Variants in MAD1L1 observed in about 807,000 individuals in gnomAD.
MAD1L1 encodes mitotic arrest deficient 1 like 1.
MAD1L1 carries 95 observed loss-of-function variants against 96.9 expected under a neutral mutation model. The ratio of observed to expected loss-of-function variants is 0.98; its 90% CI spans 0.83 to 1.16. The LOEUF (loss-of-function observed/expected upper bound fraction) is 1.16, where lower values mean the gene tolerates loss of function less well. Among genes scored for constraint, MAD1L1 ranks in the 50% most tolerant of loss-of-function variants. The probability of loss-of-function intolerance (pLI) is 0.00; values close to 1 mark genes in which losing one functional copy is unlikely to be tolerated. For missense variants in MAD1L1, 1,007 were observed against 954.4 expected (o/e 1.06, Z -0.73); for synonymous variants, 473 against 396.6 (o/e 1.19, Z -2.29).
chr7:2,022,270 C>G (rs933022964), intron 12 of MAD1L1, among the ~76,000 whole-genome samples: 3 of 152,348 alleles, frequency 2.0e-5, no homozygotes, highest in African/African-American at 7.2e-5. Flanking sequence ...GGGAGGCGCC[C>G]ACCCTGCCTG....
intron 11 of MAD1L1, among the ~76,000 whole-genome samples, chr7:2,140,145 G>A (rs529383737): frequency 2.7e-4 from 41 of 152,264 alleles, no homozygotes; most frequent in Non-Finnish European, 5.4e-4. Flanking sequence ...TCCAAGCCCA[G>A]GTGGCCCCTG....
chr7:1,976,662 G>T (rs1780657619), intron 15 of MAD1L1, among the ~76,000 whole-genome samples: 1 of 152,202 alleles, frequency 6.6e-6, no homozygotes, highest in South Asian at 2.1e-4. Flanking sequence ...CCCTTATCTG[G>T]CTCCACCCAC....
At chr7:2,025,152 T>C (rs540966183) in intron 12 of MAD1L1, among the ~76,000 whole-genome samples, 2 of 152,364 alleles carry the variant, frequency 1.3e-5, no homozygotes, top group African/African-American at 4.8e-5. Context: ...GAGAGCTCTA[T>C]GCTGTCTTCT....
chr7:2,126,159 C>T (rs929641720), intron 11 of MAD1L1, among the ~76,000 whole-genome samples: 3 of 152,190 alleles, frequency 2.0e-5, no homozygotes, highest in African/African-American at 7.2e-5. Flanking sequence ...GCCATATGGC[C>T]TAGGTTCCTG....
chr7:2,064,498 G>A (rs905120370), intron 12 of MAD1L1, among the ~76,000 whole-genome samples: 10 of 152,364 alleles, frequency 6.6e-5, no homozygotes, highest in Admixed American at 1.3e-4. Flanking sequence ...CTGCCTCTGG[G>A]CCAGGAACAT....
At chr7:2,166,792 G>A (rs757997915) in intron 10 of MAD1L1, among the ~76,000 whole-genome samples, 2 of 152,198 alleles carry the variant, frequency 1.3e-5, no homozygotes, top group Non-Finnish European at 2.9e-5. Flanking sequence ...CTGGCAGGGA[G>A]CTGCAGGGCC....
Position 1,936,851 on chromosome 7 carries a change from T to C in MAD1L1, c.1643A>G (p.Asn548Ser). The change falls in exon 17 of 19, where the codon AAC (asparagine) becomes AGC (serine). Residue 548 changes from asparagine (N) to serine (S), a missense_variant. Physicochemically the swap from Asn to Ser is conservative, Grantham distance 46 (BLOSUM62 1). Transcript: ENST00000265854. ...SRTKVLHMSL[N>S]PTSVARQRLR... Reference sequence around the variant, plus strand: ...GCGCTGCCTGGCCACACTGGTGGGGTTCAGGCTCATGTGCAGCACTTTGGT... The same window carrying C: ...GCGCTGCCTGGCCACACTGGTGGGGCTCAGGCTCATGTGCAGCACTTTGGT... 1 of 1,606,664 alleles carries C rather than the reference T, an allele frequency of 6.2e-7. No homozygotes were observed. Among genetic ancestry groups the C allele is most frequent in the Non-Finnish European group, 8.5e-7 (1 of 1,176,988 alleles).
In MAD1L1 at chr7:2,121,028, G is replaced by A. The variant is rs534844746; in HGVS notation, c.1073+28124C>T. On this transcript the variant is annotated intron_variant, in intron 11 of 18. Coordinates refer to ENST00000265854, the MANE Select transcript of MAD1L1 (RefSeq NM_001013836.2). Reference sequence around the variant, plus strand: ...GGACTCGAGGGAGATGGGCCCAAGTGGAGTCGCACGGTGACGGCAGGGCTC... The same window carrying A: ...GGACTCGAGGGAGATGGGCCCAAGTAGAGTCGCACGGTGACGGCAGGGCTC... Among the ~76,000 whole-genome samples the A allele has an allele frequency of 2.6e-5, 4 of 152,332 alleles. No homozygotes were observed. The East Asian group carries it at 5.8e-4, about 22-fold the overall frequency.
chr7:2,154,850 A>C (rs1203833357), intron 10 of MAD1L1, among the ~76,000 whole-genome samples: 1 of 152,146 alleles, frequency 6.6e-6, no homozygotes, highest in African/African-American at 2.4e-5. Flanking sequence ...ACGGGTCAGG[A>C]GGTCACCTCC....
intron 18 of MAD1L1, 162 bp downstream of exon 18, chr7:1,898,037 AG>A (rs1207537446): frequency 5.7e-5 from 42 of 737,352 alleles, no homozygotes. Context: ...GAGAAGCCTC[AG>A]GGGGTGACGA....
intron 17 of MAD1L1, among the ~76,000 whole-genome samples, chr7:1,900,627 G>A (rs1037316460): frequency 1.3e-5 from 2 of 152,150 alleles, no homozygotes; most frequent in Non-Finnish European, 1.5e-5. Context: ...TGGGGCTATC[G>A]GTAGCAGGAA....
intron 17 of MAD1L1, among the ~76,000 whole-genome samples, chr7:1,915,394 GGGGAAAA>G (rs1788316193): frequency 1.3e-5 from 2 of 152,320 alleles, no homozygotes; most frequent in East Asian, 3.9e-4. Flanking sequence ...GGCAGACTTA[GGGGAAAA>G]GCCACGCGCT....
At chr7:2,048,887 C>T (rs1272012741) in intron 12 of MAD1L1, among the ~76,000 whole-genome samples, 4 of 152,238 alleles carry the variant, frequency 2.6e-5, no homozygotes, top group Non-Finnish European at 5.9e-5. Context: ...GATTGTCACA[C>T]TTGCCTGTGT....
At chr7:2,134,336 C>G (rs1265600856) in intron 11 of MAD1L1, among the ~76,000 whole-genome samples, 2 of 152,202 alleles carry the variant, frequency 1.3e-5, no homozygotes, top group African/African-American at 4.8e-5. Context: ...GCGTGTATGG[C>G]CCATACCCTG....
chr7:2,085,524 G>A (rs935878738), intron 11 of MAD1L1, among the ~76,000 whole-genome samples: 5 of 152,228 alleles, frequency 3.3e-5, no homozygotes, highest in African/African-American at 9.6e-5. Context: ...GGAATGCCCT[G>A]CTTTGAGTTC....
intron 11 of MAD1L1, among the ~76,000 whole-genome samples, chr7:2,106,600 C>T (rs949876336): frequency 1.3e-5 from 2 of 152,176 alleles, no homozygotes; most frequent in African/African-American, 4.8e-5. Context: ...CCTAGGAGAC[C>T]GCCTCCCTCC....
rs576405631 is a variant in MAD1L1, at chr7:1,884,106, G to A, written c.1998+14094C>T. ...ATGTGGCCAACAGGAGGCAGCACTG[G>A]GACCGCAAGCCAGAGTTGGCGGCTG... On this transcript the variant is annotated intron_variant, in intron 18 of 18. Transcript: ENST00000265854. Among the ~76,000 whole-genome samples, 10 of 152,350 alleles carry A rather than the reference G, an allele frequency of 6.6e-5. No homozygotes were observed. The South Asian group carries it at 2.1e-3, about 32-fold the overall frequency.
At chr7:1,903,204 C>A (rs549491244) in intron 17 of MAD1L1, among the ~76,000 whole-genome samples, 3 of 149,718 alleles carry the variant, frequency 2.0e-5, no homozygotes, top group Admixed American at 6.7e-5. Context: ...GACGCTCCTG[C>A]GGAACTCATG....
At chr7:1,827,420 C>G (rs1782455908) in intron 18 of MAD1L1, among the ~76,000 whole-genome samples, 1 of 138,258 alleles carries the variant, frequency 7.2e-6, no homozygotes, top group Non-Finnish European at 1.6e-5. Flanking sequence ...GGGTCCTCCC[C>G]TCCTGAGCCC....
Sources: gnomAD v4.1 joint callset for allele counts (sites outside exome capture counted in the v4.1 genomes callset) on GRCh38, gnomAD v4.1.1 for gene constraint, MANE v1.5 for transcripts, NCBI Gene and HGNC (gene_info 2026-07-23, HGNC 2026-07-21) for gene names.